Variants in LAMC2 observed in about 807,000 individuals in gnomAD.
LAMC2 encodes laminin subunit gamma 2, also known as laminin subunit gamma-2.
In LAMC2, 97 loss-of-function variants were observed where a neutral mutation model predicts 140.2. That is an observed-to-expected ratio of 0.69 (90% CI 0.59 to 0.82). The LOEUF is 0.82. Among genes scored for constraint, LAMC2 ranks in the 40% least tolerant of loss-of-function variants. The probability of loss-of-function intolerance (pLI) is 0.00; values close to 1 mark genes in which losing one functional copy is unlikely to be tolerated. For missense variants in LAMC2, 1,402 were observed against 1,476.1 expected, an observed-to-expected ratio of 0.95 and a Z score of 0.82; for synonymous variants, 513 against 540.2, an observed-to-expected ratio of 0.95 and a Z score of 0.70.
chr1:183,214,703 A>G (rs1012014731), intron 2 of LAMC2, among the ~76,000 whole-genome samples: 3 of 151,692 alleles, frequency 2.0e-5, no homozygotes, highest in African/African-American at 7.3e-5. Flanking sequence ...CAGGGAGGAG[A>G]GTGCAAGGCA....
intron 19 of LAMC2, among the ~76,000 whole-genome samples, chr1:183,239,019 C>T (rs188400689): frequency 2.0e-5 from 3 of 152,348 alleles, no homozygotes; most frequent in African/African-American, 7.2e-5. Context: ...CCCATTCAAA[C>T]CTAACCCCAA....
chr1:183,226,768 T>G lies in LAMC2; in HGVS notation c.1137T>G (p.Val379=), dbSNP rs1659638173. 17 of 1,614,248 alleles carry G rather than the reference T, an allele frequency of 1.1e-5. No homozygotes were observed. In the East Asian group the frequency reaches 3.6e-4, roughly 34 times the overall value. The part of the protein sequence containing the change: ...RPVSGAPAPW[V]EQCICPVGYK... Reference sequence around the variant, plus strand: ...TCTCTGGAGCCCCAGCACCCTGGGTTGAACAGTGTATATGTCCTGTTGGGT... The same window carrying G: ...TCTCTGGAGCCCCAGCACCCTGGGTGGAACAGTGTATATGTCCTGTTGGGT... The change falls in exon 9 of 23, where the codon GTT becomes GTG. Residue 379 remains valine, a synonymous_variant. Transcript: ENST00000264144.
At chr1:183,227,302 G>C (rs1571529634) in intron 9 of LAMC2, among the ~76,000 whole-genome samples, 1 of 152,128 alleles carries the variant, frequency 6.6e-6, no homozygotes, top group South Asian at 2.1e-4. Flanking sequence ...AGAAGTGAGT[G>C]TCTACTTTGC....
Position 183,226,889 on chromosome 1 carries a change from G to C in LAMC2, c.1258G>C (p.Gly420Arg), listed in dbSNP as rs1309926469. The C allele has an allele frequency of 6.2e-7, 1 of 1,614,102 alleles. No homozygotes were observed. The highest frequency in any genetic ancestry group is 1.1e-5 in the South Asian group (1 of 91,058). Residue 420 changes from glycine (G) to arginine (R), a missense_variant, in exon 9 of 23, where the codon GGG (glycine) becomes CGG (arginine). Physicochemically the swap from Gly to Arg is moderately radical, Grantham distance 125. Around this residue, in one of 3 missense-constraint regions of LAMC2, gnomAD observed 723 missense variants for 783.3 expected, o/e 0.92. Transcript: ENST00000264144. The part of the protein sequence containing the change: ...FGTCIPCNCQ[G>R]GGACDPDTGD... ...CACCTGTATTCCTTGTAACTGTCAA[G>C]GGGGAGGGGCCTGTGATCCAGACAC...
chr1:183,208,036 G>C lies in LAMC2; in HGVS notation c.235G>C (p.Asp79His). Residue 79 changes from aspartate (D) to histidine (H), a missense_variant, in exon 2 of 23, where the codon GAC (aspartate) becomes CAC (histidine). Transcript: ENST00000264144. ...KNGFYRHRER[D>H]RCLPCNCNSK... ...TGGCTTTTACCGGCACAGAGAAAGG[G>C]ACCGCTGTTTGCCCTGCAATTGTAA... 1 of 1,614,126 alleles carries C rather than the reference G, an allele frequency of 6.2e-7. No individual in the cohort carries two copies.
intron 12 of LAMC2, 86 bp from the exon 13 acceptor site, chr1:183,232,101 G>A (rs1398746821): frequency 6.6e-7 from 1 of 1,522,534 alleles, no homozygotes; most frequent in Non-Finnish European, 9.1e-7. Flanking sequence ...TGGACTTTTA[G>A]TATTATCCCC....
intron 1 of LAMC2, among the ~76,000 whole-genome samples, chr1:183,195,847 T>C (rs934459322): frequency 1.3e-5 from 2 of 151,738 alleles, no homozygotes; most frequent in African/African-American, 4.8e-5. Flanking sequence ...AAATATCTGC[T>C]TAAGCCGACA....
At chr1:183,254,995 C>T in the LAMC2 span, among the ~76,000 whole-genome samples, 1 of 152,244 alleles carries the variant, frequency 6.6e-6, no homozygotes, top group Middle Eastern at 3.4e-3. Flanking sequence ...TTGCCAAGAC[C>T]AATGTCAAGG....
chr1:183,209,480 G>T (rs1257082338), intron 2 of LAMC2, among the ~76,000 whole-genome samples: 1 of 152,142 alleles, frequency 6.6e-6, no homozygotes, highest in African/African-American at 2.4e-5. Flanking sequence ...GTCACAATGT[G>T]GTTTGACTCA....
chr1:183,258,711 A>G, the LAMC2 span, among the ~76,000 whole-genome samples: 1 of 152,092 alleles, frequency 6.6e-6, no homozygotes, highest in African/African-American at 2.4e-5. Context: ...AGTGTTTGCA[A>G]TATTTTGTAG....
intron 1 of LAMC2, among the ~76,000 whole-genome samples, chr1:183,203,229 G>A (rs1658777534): frequency 1.3e-5 from 2 of 152,210 alleles, no homozygotes; most frequent in South Asian, 4.1e-4. Context: ...TCAATTGCAT[G>A]TGGCTGCAAC....
intron 1 of LAMC2, among the ~76,000 whole-genome samples, chr1:183,187,044 G>A (rs1455287123): frequency 2.6e-5 from 4 of 152,128 alleles, no homozygotes; most frequent in Admixed American, 1.3e-4. Flanking sequence ...TGTGTTAGAC[G>A]TTAAGTTCAT....
chr1:183,246,137 T>C (rs562242), downstream of LAMC2, among the ~76,000 whole-genome samples: 5,403 of 139,398 alleles, frequency 0.039, 341 homozygotes, highest in African/African-American at 0.14. Context: ...GCCACTGCTC[T>C]CCAGCCAGGG....
In LAMC2 at chr1:183,218,423, C is replaced by G; in HGVS notation, c.438C>G (p.Ile146Met). 1 of 1,614,170 alleles carries G rather than the reference C, an allele frequency of 6.2e-7. No homozygotes were observed. Among genetic ancestry groups the G allele is most frequent in the Non-Finnish European group, 8.5e-7 (1 of 1,180,016 alleles). ...AGTGTGACTGTGACCCAGCTGGCAT[C>G]GCAGGGCCCTGTGACGCGGGCCGCT... is the stretch of plus-strand genomic sequence containing the variant. ...DSKCDCDPAG[I>M]AGPCDAGRCV... The change falls in exon 4 of 23, where the codon ATC becomes ATG. Residue 146 changes from isoleucine (I) to methionine (M), a missense_variant. Transcript: ENST00000264144.
chr1:183,227,022 T>A, intron 9 of LAMC2, 106 bp downstream of exon 9: 1 of 889,856 alleles, frequency 1.1e-6, no homozygotes. Context: ...GGGAAAGGAT[T>A]AAGGAGAGCA....
chr1:183,207,568 C>T (rs1028321779), intron 1 of LAMC2, among the ~76,000 whole-genome samples: 7 of 152,270 alleles, frequency 4.6e-5, no homozygotes, highest in South Asian at 2.1e-4. Context: ...TCAGAAATAT[C>T]CGCATAAAAA....
intron 22 of LAMC2, 119 bp from the exon 23 acceptor site, chr1:183,243,028 A>T: frequency 9.5e-7 from 1 of 1,057,838 alleles, no homozygotes; most frequent in Non-Finnish European, 1.4e-6. Context: ...TTCATGGTAT[A>T]CTATTTGCTC....
rs12566349 is a variant in LAMC2, at chr1:183,207,701, C to T, written c.80-180C>T. On this transcript the variant is annotated intron_variant, in intron 1 of 22. Transcript: ENST00000264144. Reference sequence around the variant, plus strand: ...GCCTACTTCCTTTAAGTGGAGCAGGCGTCCCCGGGGTCCCTGCACTGCCAA... The same window carrying T: ...GCCTACTTCCTTTAAGTGGAGCAGGTGTCCCCGGGGTCCCTGCACTGCCAA... Among the ~76,000 whole-genome samples the T allele has an allele frequency of 7.4e-4, 112 of 152,262 alleles. No individual in the cohort carries two copies. The East Asian group carries it at 0.019, about 26-fold the overall frequency.
At chr1:183,217,969 A>G (rs1659329066) in intron 3 of LAMC2, among the ~76,000 whole-genome samples, 1 of 152,274 alleles carries the variant, frequency 6.6e-6, no homozygotes, top group Non-Finnish European at 1.5e-5. Context: ...ATGGAATAAA[A>G]TAGCAGGTAG....
Sources: allele counts gnomAD v4.1 joint callset (sites outside exome capture counted in the v4.1 genomes callset), GRCh38; gene constraint gnomAD v4.1.1; regional missense constraint gnomAD v4.1.1; transcripts MANE v1.5; gene names NCBI Gene and HGNC (gene_info 2026-07-23, HGNC 2026-07-21).